The following DACH2 variants were observed in gnomAD, a reference collection of about 807,000 sequenced individuals.
DACH2 encodes the protein dachshund family transcription factor 2.
A neutral mutation model predicts 35.8 loss-of-function variants in DACH2; 17 were observed. The observed-to-expected ratio is 0.48, with a 90% CI of 0.33 to 0.71. DACH2 has a LOEUF of 0.71. Ranked by LOEUF, DACH2 falls within the 30% of genes least tolerant of loss-of-function variation. DACH2 has a pLI of 0.02. For missense variants in DACH2, 469 were observed against 472.7 expected (o/e 0.99, Z 0.07); for synonymous variants, 195 against 177.3 (o/e 1.10, Z -0.79).
intron 4 of DACH2, among the ~76,000 whole-genome samples, chrX:86,691,646 A>T (rs1214823862): frequency 9.0e-6 from 1 of 111,520 alleles, no homozygotes; most frequent in Non-Finnish European, 1.9e-5. Context: ...GCATGTGAGG[A>T]CATAGGGGAA....
intron 7 of DACH2, among the ~76,000 whole-genome samples, chrX:86,760,256 G>T (rs2041867457): frequency 9.0e-6 from 1 of 111,474 alleles, no homozygotes; most frequent in Non-Finnish European, 1.9e-5. Context: ...CTACACTTGG[G>T]AAGTTTTCAT....
intron 2 of DACH2, among the ~76,000 whole-genome samples, chrX:86,450,543 G>A (rs1254954581): frequency 3.6e-5 from 4 of 111,144 alleles, no homozygotes; most frequent in Non-Finnish European, 3.8e-5. Flanking sequence ...ACACATGCAT[G>A]TATCCTTATG....
intron 1 of DACH2, among the ~76,000 whole-genome samples, chrX:86,219,126 T>C (rs2032644450): frequency 8.9e-6 from 1 of 112,072 alleles, no homozygotes; most frequent in South Asian, 3.7e-4. Flanking sequence ...GAACGTGAGT[T>C]GATGCATTTA....
chrX:86,824,709 C>T (rs2042546852), intron 11 of DACH2, among the ~76,000 whole-genome samples: 1 of 111,924 alleles, frequency 8.9e-6, no homozygotes. Flanking sequence ...TGTCTAAGTG[C>T]TCTTGTTTTC....
intron 1 of DACH2, among the ~76,000 whole-genome samples, chrX:86,265,563 G>T (rs1238949049): frequency 1.8e-5 from 2 of 111,695 alleles, no homozygotes; most frequent in East Asian, 2.8e-4. Flanking sequence ...GAAATCTGGT[G>T]GGCATACATT....
intron 3 of DACH2, among the ~76,000 whole-genome samples, chrX:86,514,650 T>G (rs1339709822): frequency 8.9e-6 from 1 of 111,879 alleles, no homozygotes; most frequent in Non-Finnish European, 1.9e-5. Context: ...ATGTATATGT[T>G]TCTGTGCTAG....
chrX:86,463,981 C>T (rs1377237314), intron 2 of DACH2, among the ~76,000 whole-genome samples: 4 of 111,527 alleles, frequency 3.6e-5, no homozygotes, highest in Non-Finnish European at 3.8e-5. Flanking sequence ...TACCATCTCA[C>T]GCCAGTTAGA....
intron 3 of DACH2, among the ~76,000 whole-genome samples, chrX:86,637,325 G>T (rs933288164): frequency 3.0e-5 from 3 of 100,490 alleles, no homozygotes; most frequent in Non-Finnish European, 5.9e-5. Flanking sequence ...AACCATCATG[G>T]AAAACAGTGT....
At chrX:86,753,921 C>T (rs777707747) in intron 7 of DACH2, among the ~76,000 whole-genome samples, 2 of 97,898 alleles carry the variant, frequency 2.0e-5, no homozygotes, top group Admixed American at 1.1e-4. Context: ...TAAACTGAAC[C>T]AAATATGAGC....
chrX:86,662,919 A>G (rs68031445), intron 4 of DACH2, among the ~76,000 whole-genome samples: 13,421 of 111,262 alleles, frequency 0.12, 685 homozygotes, highest in East Asian at 0.32. Flanking sequence ...ACACATATAT[A>G]GTCTTTATCT....
intron 2 of DACH2, among the ~76,000 whole-genome samples, chrX:86,380,131 T>A (rs1210458094): frequency 2.7e-5 from 3 of 110,841 alleles, no homozygotes; most frequent in African/African-American, 9.8e-5. Flanking sequence ...TAATAATATT[T>A]AACATTTATC....
chrX:86,330,157 A>G (rs746551911), intron 1 of DACH2, among the ~76,000 whole-genome samples: 2 of 112,206 alleles, frequency 1.8e-5, no homozygotes, highest in South Asian at 7.4e-4. Context: ...TAATACAATT[A>G]AATAGTTGTT....
intron 4 of DACH2, among the ~76,000 whole-genome samples, chrX:86,679,590 G>GTCTC (rs771394859): frequency 5.1e-5 from 5 of 98,409 alleles, no homozygotes; most frequent in Non-Finnish European, 1.0e-4. Flanking sequence ...GGTTTTATAT[G>GTCTC]TCTCTCTCTC....
At chrX:86,565,435 C>A (rs976868076) in intron 3 of DACH2, among the ~76,000 whole-genome samples, 1 of 111,499 alleles carries the variant, frequency 9.0e-6, no homozygotes, top group Admixed American at 9.6e-5. Context: ...AATTCTCAGG[C>A]TTCACCCCAG....
At chrX:86,348,969 TGG>T (rs2035543399) in intron 1 of DACH2, among the ~76,000 whole-genome samples, 1 of 112,026 alleles carries the variant, frequency 8.9e-6, no homozygotes, top group African/African-American at 3.2e-5. Flanking sequence ...GAAGCCCCAG[TGG>T]GCATGCTACA....
intron 3 of DACH2, among the ~76,000 whole-genome samples, chrX:86,607,445 CATAA>C (rs1482594915): frequency 2.7e-5 from 3 of 111,266 alleles, no homozygotes; most frequent in South Asian, 3.7e-4. Context: ...ACACCATTTG[CATAA>C]ATAAAGAAAC....
chrX:86,210,705 C>A (rs984272495), intron 1 of DACH2, among the ~76,000 whole-genome samples: 1 of 111,603 alleles, frequency 9.0e-6, no homozygotes, highest in African/African-American at 3.3e-5. Context: ...AAGTCAAATT[C>A]TAGGGGAAAA....
In DACH2 at chrX:86,736,906, G is replaced by T. The variant is rs2041602490; in HGVS notation, c.1105-2841G>T. 3.6e-5 allele frequency among the ~76,000 whole-genome samples: 4 copies of T among 111,328 alleles called. No individual in the cohort carries two copies. The South Asian group carries it at 1.1e-3, about 31-fold the overall frequency. On this transcript the variant is annotated intron_variant, in intron 6 of 11. Transcript: ENST00000373125. ...ACACATATTTAAAGGAAATTTTCAG[G>T]GTTGGAATTCAAACACAAATAGTGA...
At chrX:86,172,741 A>G (rs1275458580) in intron 1 of DACH2, among the ~76,000 whole-genome samples, 1 of 111,709 alleles carries the variant, frequency 9.0e-6, no homozygotes, top group Admixed American at 9.5e-5. Flanking sequence ...AATTAGGGAT[A>G]AACAAAGTAG....
Sources: gnomAD v4.1 joint callset for allele counts (sites outside exome capture counted in the v4.1 genomes callset) on GRCh38, gnomAD v4.1.1 for gene constraint, MANE v1.5 for transcripts, NCBI Gene and HGNC (gene_info 2026-07-23, HGNC 2026-07-21) for gene names.